The following PCDH11X variants were observed in gnomAD, a reference collection of about 807,000 sequenced individuals.
PCDH11X encodes the protein protocadherin 11 X-linked.
PCDH11X carries 18 observed loss-of-function variants against 53.3 expected under a neutral mutation model. The ratio of observed to expected loss-of-function variants is 0.34; its 90% CI spans 0.23 to 0.50. The LOEUF (loss-of-function observed/expected upper bound fraction) is 0.50, where lower values mean the gene tolerates loss of function less well. PCDH11X is among the 20% of genes least tolerant of loss of function. The pLI, the probability that PCDH11X is intolerant of heterozygous loss-of-function variation, is 0.98. For missense variants in PCDH11X, 570 were observed against 1,032.4 expected (o/e 0.55, Z 6.14); for synonymous variants, 279 against 393.3 (o/e 0.71, Z 3.44).
intron 6 of PCDH11X, among the ~76,000 whole-genome samples, chrX:92,078,319 T>G (rs1451600847): frequency 1.8e-5 from 2 of 111,428 alleles, no homozygotes; most frequent in Non-Finnish European, 3.8e-5. Context: ...AGCTTAAATC[T>G]TTCTTCATTT....
intron 6 of PCDH11X, among the ~76,000 whole-genome samples, chrX:92,153,914 G>T (rs1329303258): frequency 1.3e-4 from 14 of 110,881 alleles, no homozygotes; most frequent in African/African-American, 4.6e-4. Context: ...GAGGATAAAA[G>T]CACCATTAGC....
intron 8 of PCDH11X, among the ~76,000 whole-genome samples, chrX:92,336,632 C>T (rs1311324972): frequency 1.8e-5 from 2 of 111,334 alleles, no homozygotes; most frequent in African/African-American, 3.3e-5. Flanking sequence ...GCCACATATG[C>T]TGTAGTGGAA....
At chrX:92,031,379 T>C (rs1258126867) in intron 6 of PCDH11X, among the ~76,000 whole-genome samples, 1 of 99,674 alleles carries the variant, frequency 1.0e-5, no homozygotes, top group Non-Finnish European at 2.0e-5. Flanking sequence ...GTTCTGGTTA[T>C]TAATCCTTTA....
intron 10 of PCDH11X, among the ~76,000 whole-genome samples, chrX:92,500,544 G>T (rs1451368268): frequency 9.0e-6 from 1 of 111,393 alleles, no homozygotes; most frequent in African/African-American, 3.3e-5. Context: ...ATGGAGGGAA[G>T]ATTTAAGCAG....
chrX:92,321,184 G>GTTTTTT (rs199672875), intron 8 of PCDH11X, among the ~76,000 whole-genome samples: 2 of 84,879 alleles, frequency 2.4e-5, no homozygotes, highest in African/African-American at 9.8e-5. Flanking sequence ...TGAACTGTAA[G>GTTTTTT]TTTTTTTTTG....
chrX:91,882,890 T>C, intron 6 of PCDH11X: 1 of 1,185,840 alleles, frequency 8.4e-7, no homozygotes, highest in Non-Finnish European at 1.1e-6. Flanking sequence ...GATAACGTGT[T>C]ATTTTTCTTG....
chrX:92,388,119 G>A (rs2522699), intron 9 of PCDH11X, among the ~76,000 whole-genome samples, 186 bp downstream of exon 9: 47,793 of 109,118 alleles, frequency 0.44, 8,105 homozygotes, highest in Non-Finnish European at 0.48. Flanking sequence ...TTTTAAATGT[G>A]TGATCATAAC....
At chrX:92,153,341 C>T (rs1257248452) in intron 6 of PCDH11X, among the ~76,000 whole-genome samples, 5 of 108,057 alleles carry the variant, frequency 4.6e-5, no homozygotes, top group African/African-American at 1.3e-4. Context: ...TAAATATACA[C>T]ACACACACAC....
At chrX:92,511,712 C>T (rs2074164703) in intron 10 of PCDH11X, among the ~76,000 whole-genome samples, 1 of 111,270 alleles carries the variant, frequency 9.0e-6, no homozygotes, top group African/African-American at 3.3e-5. Flanking sequence ...AGATCAGTGG[C>T]AAGACACTGT....
chrX:92,588,372 G>GTATATATATA (rs35507950), intron 10 of PCDH11X, among the ~76,000 whole-genome samples: 35 of 97,779 alleles, frequency 3.6e-4, no homozygotes, highest in African/African-American at 1.3e-3. Flanking sequence ...GTGTGTGTGT[G>GTATATATATA]TATATATATA....
At chrX:92,152,751 TTATGTATG>T (rs559164762) in intron 6 of PCDH11X, among the ~76,000 whole-genome samples, 39,279 of 98,761 alleles carry the variant, frequency 0.4, 6,257 homozygotes, top group Non-Finnish European at 0.46. Context: ...TATTTTTATT[TTATGTATG>T]TATGTATGTA....
At chrX:92,304,437 A>T (rs1461201761) in intron 8 of PCDH11X, among the ~76,000 whole-genome samples, 1 of 111,988 alleles carries the variant, frequency 8.9e-6, no homozygotes, top group Non-Finnish European at 1.9e-5. Flanking sequence ...TGTATTTATG[A>T]CATTGTACAA....
chrX:92,129,963 C>A (rs1388409160), intron 6 of PCDH11X, among the ~76,000 whole-genome samples: 1 of 110,606 alleles, frequency 9.0e-6, no homozygotes, highest in Non-Finnish European at 1.9e-5. Flanking sequence ...GGCTTATATG[C>A]GCACACGCAC....
Position 91,853,193 on chromosome X carries a change from C to G in PCDH11X, c.540+17149C>G, listed in dbSNP as rs1305889672. 2.7e-5 allele frequency among the ~76,000 whole-genome samples: 3 copies of G among 111,184 alleles called. No individual in the cohort carries two copies. In the East Asian group the frequency reaches 8.4e-4, roughly 31 times the overall value. ...TCTTATCTGTGTGACTGAAGGGGAA[C>G]ACAGTGCTAAATGATAAAACAGAGT... On this transcript the variant is annotated intron_variant, in intron 5 of 10. Transcript: ENST00000682573.
chrX:91,907,370 AACACACAC>A (rs777259208), intron 6 of PCDH11X, among the ~76,000 whole-genome samples: 9 of 36,148 alleles, frequency 2.5e-4, no homozygotes, highest in South Asian at 3.4e-3. Flanking sequence ...CACCACCCTC[AACACACAC>A]ACACACACAC....
At chrX:91,819,652 T>A (rs1227754603) in intron 4 of PCDH11X, among the ~76,000 whole-genome samples, 1 of 107,634 alleles carries the variant, frequency 9.3e-6, no homozygotes, top group Non-Finnish European at 1.9e-5. Context: ...CCTTTCTTTT[T>A]TTTATTTTTA....
At chrX:92,019,261 A>T (rs1206016528) in intron 6 of PCDH11X, among the ~76,000 whole-genome samples, 4 of 109,357 alleles carry the variant, frequency 3.7e-5, no homozygotes, top group African/African-American at 1.3e-4. Flanking sequence ...GAATCCCAGC[A>T]GGAGGAGACC....
chrX:92,004,862 G>A (rs1398900950), intron 6 of PCDH11X, among the ~76,000 whole-genome samples: 20 of 94,666 alleles, frequency 2.1e-4, no homozygotes, highest in African/African-American at 4.4e-4. Context: ...TGCAAGCTCC[G>A]CCTCCCAGGT....
At chrX:92,215,325 T>C (rs961370895) in intron 7 of PCDH11X, among the ~76,000 whole-genome samples, 3 of 107,479 alleles carry the variant, frequency 2.8e-5, no homozygotes, top group Non-Finnish European at 5.8e-5. Flanking sequence ...AGAAGGCACC[T>C]GGAAAATCGG....
Sources: gnomAD v4.1 joint callset for allele counts (sites outside exome capture counted in the v4.1 genomes callset) on GRCh38, gnomAD v4.1.1 for gene constraint, MANE v1.5 for transcripts, NCBI Gene and HGNC (gene_info 2026-07-23, HGNC 2026-07-21) for gene names.